PDE6G: variants seen among roughly 807,000 people sequenced by gnomAD.
PDE6G encodes the protein phosphodiesterase 6G.
Under a neutral mutation model 10.9 loss-of-function variants are expected in PDE6G, and 10 were observed. The ratio of observed to expected loss-of-function variants is 0.91; its 90% confidence interval spans 0.56 to 1.55. The LOEUF (loss-of-function observed/expected upper bound fraction) is 1.55. Among genes scored for constraint, PDE6G ranks in the 40% most tolerant of loss-of-function variants. PDE6G has a pLI of 0.00. For synonymous variants in PDE6G, 41 were observed against 42.8 expected, an observed-to-expected ratio of 0.96 and a Z score of 0.16; for missense variants, 102 against 110.1, an observed-to-expected ratio of 0.93 and a Z score of 0.33.
upstream of PDE6G, among the ~76,000 whole-genome samples, chr17:81,659,242 T>C (rs916041244): frequency 2.7e-5 from 4 of 149,860 alleles, no homozygotes; most frequent in Non-Finnish European, 5.9e-5. Flanking sequence ...CTGCAGGAAT[T>C]CAAGGCTGCA....
In PDE6G at chr17:81,653,250, CCCCCGGCCACCCT is replaced by C; in HGVS notation, c.43_55del (p.Arg15AspfsTer75). 1 of 1,613,942 alleles carries C rather than the reference CCCCCGGCCACCCT, an allele frequency of 6.2e-7. No homozygotes were observed. Among genetic ancestry groups the C allele is most frequent in the Non-Finnish European group, 8.5e-7 (1 of 1,179,928 alleles). ...GGGCCCTTTCCTGGGGGTGACAGGT[CCCCCGGCCACCCT>C]GGTGGCTGACCGGAACTCAGCCTTG... On this transcript the variant is annotated frameshift_variant, in exon 2 of 4. Coordinates refer to ENST00000331056, the MANE Select transcript of PDE6G (RefSeq NM_002602.4). LOFTEE classifies it high-confidence loss of function. This position sits in a 1 kb window ranked among gnomAD's most constrained non-coding sequence, Gnocchi z 5.2.
rs1429140694 is a variant in PDE6G at position 81,650,489 on chromosome 17, A to G, written c.*585T>C. 7 of 452,452 alleles carry G rather than the reference A, an allele frequency of 1.5e-5. No individual in the cohort carries two copies. The highest frequency in any genetic ancestry group is 8.0e-5 in the African/African-American group (4 of 49,956). The allele number at this position is 452,452 out of a possible 1,614,324, so 28.0% of individuals were successfully genotyped here. A position where few individuals can be genotyped will look rare whatever the true frequency, so the allele number is the denominator to read the frequency against. ...GGACACACTAATTTTATTTTGAAAT[A>G]GGGACTGCAAGGGCAGGCTGTATTG... is the stretch of plus-strand genomic sequence containing the variant. On this transcript the variant is annotated 3_prime_UTR_variant, in exon 4 of 4. Coordinates refer to ENST00000331056, the MANE Select transcript of PDE6G (RefSeq NM_002602.4).
At chr17:81,660,998 C>T (rs776744006), upstream of PDE6G, among the ~76,000 whole-genome samples, 6 of 152,174 alleles carry the variant, frequency 3.9e-5, no homozygotes, top group Non-Finnish European at 8.8e-5. Context: ...GACTTACTTC[C>T]GTCTTGACTT....
At chr17:81,661,051 G>A (rs1271451266), upstream of PDE6G, among the ~76,000 whole-genome samples, 3 of 152,164 alleles carry the variant, frequency 2.0e-5, no homozygotes, top group South Asian at 2.1e-4. Context: ...CCAAGTAGGT[G>A]GGATTACAGG....
Position 81,651,616 on chromosome 17 carries a change from C to T in PDE6G, c.187+29G>A. 6.2e-7 allele frequency: 1 copy of T among 1,612,872 alleles called. No individual in the cohort carries two copies. ...GTGTGCCTGGGGGGACCTGGGCAGA[C>T]CTCGGGTTGGTACTGGCAGCCGTCA... On this transcript the variant is annotated intron_variant, in intron 3 of 3. Coordinates refer to ENST00000331056, the MANE Select transcript of PDE6G (RefSeq NM_002602.4). The surrounding 1 kb of genome is among the most constrained non-coding windows in gnomAD (Gnocchi z 4.8).
intron 1 of PDE6G, among the ~76,000 whole-genome samples, chr17:81,655,335 G>T (rs562863296): frequency 3.3e-5 from 5 of 152,360 alleles, no homozygotes; most frequent in Non-Finnish European, 7.3e-5. Flanking sequence ...GGACAAGCTG[G>T]GGCTTGGGGA....
At position 81,653,037 on chromosome 17, in the gene PDE6G, G is replaced by A. The variant is rs1324678451; in HGVS notation, c.146+123C>T. 1.6e-5 allele frequency: 19 copies of A among 1,158,906 alleles called. 1 individual carries two copies. Among genetic ancestry groups the A allele is most frequent in the South Asian group, 1.2e-4 (10 of 81,492 alleles). The allele number at this position is 1,158,906 out of a possible 1,614,324, so 71.8% of individuals were successfully genotyped here. On this transcript the variant is annotated intron_variant, in intron 2 of 3. Transcript: ENST00000331056. The surrounding 1 kb of genome is among the most constrained non-coding windows in gnomAD (Gnocchi z 5.2). ...CTCAGGCACCGCCCTACCTTCCCCA[G>A]CTGTGAGGCTGGGACCACTCACCCA... is the stretch of plus-strand genomic sequence containing the variant.
intron 1 of PDE6G, among the ~76,000 whole-genome samples, chr17:81,655,706 TGCTTG>T (rs2036437036): frequency 6.6e-6 from 1 of 152,256 alleles, no homozygotes; most frequent in Non-Finnish European, 1.5e-5. Flanking sequence ...CAGGAGGGGC[TGCTTG>T]CCCGCACTGG....
Position 81,653,513 on chromosome 17 carries a change from C to G in PDE6G, c.-59-149G>C. ...GCCCCTGCAATCCGCCCTGGGGTAA[C>G]CAGCCTGCCAGCTTTGCTTGGGTCC... On this transcript the variant is annotated intron_variant, in intron 1 of 3. Transcript: ENST00000331056. The surrounding 1 kb of genome is among the most constrained non-coding windows in gnomAD (Gnocchi z 5.2). 1 of 612,588 alleles carries G rather than the reference C, an allele frequency of 1.6e-6. No individual in the cohort carries two copies. Among genetic ancestry groups the G allele is most frequent in the Non-Finnish European group, 2.9e-6 (1 of 347,878 alleles). 37.9% of individuals were successfully genotyped at this position (612,588 alleles called of 1,614,324 possible).
At chr17:81,657,918 C>G (rs1269208150), upstream of PDE6G, among the ~76,000 whole-genome samples, 1 of 151,038 alleles carries the variant, frequency 6.6e-6, no homozygotes, top group African/African-American at 2.4e-5. Flanking sequence ...TAAATAAAAA[C>G]CCATAACTCG....
At chr17:81,657,523 A>G (rs544142142), upstream of PDE6G, among the ~76,000 whole-genome samples, 8 of 152,328 alleles carry the variant, frequency 5.3e-5, no homozygotes, top group East Asian at 1.5e-3. Context: ...TGGCAAAACC[A>G]GTGTACAACC....
Position 81,651,780 on chromosome 17 carries a change from G to A in PDE6G, c.147-95C>T. On this transcript the variant is annotated intron_variant, in intron 2 of 3. Coordinates refer to ENST00000331056, the MANE Select transcript of PDE6G (RefSeq NM_002602.4). The surrounding 1 kb of genome is among the most constrained non-coding windows in gnomAD (Gnocchi z 4.8). ...CATCTCTAGCCTTCCTAGGAGATGA[G>A]GTGTTTGGCTGGGAGCCCAGTGGGC... 2.9e-6 allele frequency: 4 copies of A among 1,380,642 alleles called. No homozygotes were observed. The highest frequency in any genetic ancestry group is 3.0e-6 in the Non-Finnish European group (3 of 987,272). The allele number at this position is 1,380,642 out of a possible 1,614,324, so 85.5% of individuals were successfully genotyped here. A position where few individuals can be genotyped will look rare whatever the true frequency, so the allele number is the denominator to read the frequency against.
chr17:81,661,930 T>G (rs34660026), intron 1 of PDE6G, among the ~76,000 whole-genome samples: 12,992 of 147,720 alleles, frequency 0.088, 799 homozygotes, highest in East Asian at 0.22. Flanking sequence ...ACTCGGGAGG[T>G]TGAGGCAGGA....
At position 81,651,123 on chromosome 17, in the gene PDE6G, G is replaced by C. The variant is rs1405808153; in HGVS notation, c.215C>G (p.Ala72Gly). 6.2e-7 allele frequency: 1 copy of C among 1,613,706 alleles called. No homozygotes were observed. The highest frequency in any genetic ancestry group is 8.5e-7 in the Non-Finnish European group (1 of 1,179,726). Residue 72 changes from alanine to glycine, a missense_variant, in exon 4 of 4, where the codon GCC (alanine) becomes GGC (glycine). Transcript: ENST00000331056. The surrounding 1 kb of genome is among the most constrained non-coding windows in gnomAD (Gnocchi z 4.8). ...TDITVICPWE[A>G]FNHLELHELA... is the part of the protein sequence containing the mutation. Reference sequence around the variant, plus strand: ...CTCGTGCAGCTCCAGGTGGTTGAAGGCCTCCCAAGGGCAGATGACTGTGAT... The same window carrying C: ...CTCGTGCAGCTCCAGGTGGTTGAAGCCCTCCCAAGGGCAGATGACTGTGAT...
rs1006182899 is a variant in PDE6G at position 81,651,956 on chromosome 17, C to G, written c.147-271G>C. ...CCCAGGATGCTGGGCAGGTGCGTGC[C>G]CTGGGGGAGTACGGGGGGGTGCGTG... is the stretch of plus-strand genomic sequence containing the variant. On this transcript the variant is annotated intron_variant, in intron 2 of 3. Transcript: ENST00000331056. This position sits in a 1 kb window ranked among gnomAD's most constrained non-coding sequence, Gnocchi z 4.8. Among the ~76,000 whole-genome samples, 1 of 152,166 alleles carries G rather than the reference C, an allele frequency of 6.6e-6. No homozygotes were observed. The highest frequency in any genetic ancestry group is 1.5e-5 in the Non-Finnish European group (1 of 68,012).
At position 81,656,449 on chromosome 17, in the gene PDE6G, G is replaced by A. The variant is rs755958178; in HGVS notation, c.-60+44C>T. ...AGCAGACCCCCACTGACTCACTGGGGGAAGTGGCTGCCAGGAAAGACAGCG... is the reference window on the plus strand; with the variant it reads ...AGCAGACCCCCACTGACTCACTGGGAGAAGTGGCTGCCAGGAAAGACAGCG... On this transcript the variant is annotated intron_variant, in intron 1 of 3. Transcript: ENST00000331056. The A allele has an allele frequency of 1.9e-5, 14 of 739,544 alleles. No homozygotes were observed. In the East Asian group the frequency reaches 3.2e-4, roughly 17 times the overall value. 45.8% of individuals were successfully genotyped at this position (739,544 alleles called of 1,614,324 possible). A position where few individuals can be genotyped will look rare whatever the true frequency, so the allele number is the denominator to read the frequency against.
intron 2 of PDE6G, among the ~76,000 whole-genome samples, chr17:81,652,157 A>G (rs1210364098): frequency 6.6e-6 from 1 of 151,046 alleles, no homozygotes; most frequent in Non-Finnish European, 1.5e-5. Context: ...CTGTGTGCGC[A>G]CACGAGTGAG....
chr17:81,654,568 C>A (rs2036418056), intron 1 of PDE6G, among the ~76,000 whole-genome samples: 1 of 151,768 alleles, frequency 6.6e-6, no homozygotes, highest in Non-Finnish European at 1.5e-5. Flanking sequence ...GTTTTTAGTA[C>A]AGATGGGGTT....
chr17:81,656,896 G>A, upstream of PDE6G: 1 of 454,172 alleles, frequency 2.2e-6, no homozygotes, highest in Non-Finnish European at 4.1e-6. Context: ...CTGCAGCCTG[G>A]CCCTCACCCG....
Sources: gnomAD v4.1 joint callset for allele counts (sites outside exome capture counted in the v4.1 genomes callset) on GRCh38, gnomAD v4.1.1 for gene constraint, Gnocchi (gnomAD v3.1) non-coding constraint, MANE v1.5 for transcripts, NCBI Gene and HGNC (gene_info 2026-07-23, HGNC 2026-07-21) for gene names.